Variants in NCOA1 observed in about 807,000 individuals in gnomAD.
NCOA1 encodes nuclear receptor coactivator 1.
A neutral mutation model predicts 150.9 loss-of-function variants in NCOA1; 35 were observed. The observed-to-expected ratio is 0.23, with a 90% CI of 0.18 to 0.31. The LOEUF (loss-of-function observed/expected upper bound fraction) is 0.31, where lower values mean the gene tolerates loss of function less well. Among genes scored for constraint, NCOA1 ranks in the 10% least tolerant of loss-of-function variants. The pLI, the probability that NCOA1 is intolerant of heterozygous loss-of-function variation, is 1.00. For synonymous variants in NCOA1, 590 were observed against 630.0 expected, an observed-to-expected ratio of 0.94 and a Z score of 0.95; for missense variants, 1,491 against 1,749.3, an observed-to-expected ratio of 0.85 and a Z score of 2.63.
At chr2:24,689,495 G>C (rs1429026413) in intron 8 of NCOA1, among the ~76,000 whole-genome samples, 5 of 151,600 alleles carry the variant, frequency 3.3e-5, no homozygotes, top group Admixed American at 3.3e-4. Context: ...TGCAAGCTCC[G>C]CCTCCCAGGC....
chr2:24,682,804 T>G, intron 7 of NCOA1, 147 bp from the exon 8 acceptor site: 1 of 462,032 alleles, frequency 2.2e-6, no homozygotes, highest in Non-Finnish European at 3.3e-6. Flanking sequence ...TGTTTATGTC[T>G]CTCTCTCCTG....
intron 17 of NCOA1, among the ~76,000 whole-genome samples, chr2:24,730,071 G>A (rs1328258716): frequency 6.6e-6 from 1 of 152,058 alleles, no homozygotes; most frequent in Non-Finnish European, 1.5e-5. Context: ...GTCTCGATCT[G>A]TTGACCTTGT....
intron 1 of NCOA1, among the ~76,000 whole-genome samples, chr2:24,513,860 A>G (rs1205463321): frequency 2.0e-5 from 3 of 152,142 alleles, no homozygotes; most frequent in Non-Finnish European, 4.4e-5. Flanking sequence ...CAACTGTAGG[A>G]GGACTTGGTA....
intron 19 of NCOA1, among the ~76,000 whole-genome samples, chr2:24,751,742 A>G (rs1448681123): frequency 6.6e-6 from 1 of 152,234 alleles, no homozygotes; most frequent in Admixed American, 6.5e-5. Flanking sequence ...GGAAAGCATT[A>G]TTCCGAGCTT....
chr2:24,565,211 A>C (rs1159455366), intron 2 of NCOA1, among the ~76,000 whole-genome samples: 1 of 152,246 alleles, frequency 6.6e-6, no homozygotes, highest in Non-Finnish European at 1.5e-5. Context: ...ATGTCAACAG[A>C]AAGCAAAAAC....
At chr2:24,732,140 A>G (rs1368784568) in intron 17 of NCOA1, among the ~76,000 whole-genome samples, 1 of 152,198 alleles carries the variant, frequency 6.6e-6, no homozygotes, top group African/African-American at 2.4e-5. Context: ...GATTCAGAAA[A>G]AAAAAGTTGT....
At chr2:24,732,431 A>G (rs1235972101) in intron 17 of NCOA1, among the ~76,000 whole-genome samples, 1 of 152,222 alleles carries the variant, frequency 6.6e-6, no homozygotes, top group Non-Finnish European at 1.5e-5. Context: ...AACGAGCCAC[A>G]TATCGGGGCC....
chr2:24,742,076 C>T lies in NCOA1; in HGVS notation c.3596C>T (p.Ala1199Val), dbSNP rs1411965049. The T allele has an allele frequency of 6.2e-7, 1 of 1,614,180 alleles. No individual in the cohort carries two copies. The highest frequency in any genetic ancestry group is 2.2e-5 in the East Asian group (1 of 44,882). Residue 1199 changes from alanine to valine, a missense_variant, in exon 19 of 23, where the codon GCC (alanine) becomes GTC (valine). Ala to Val is a moderately conservative substitution (Grantham distance 64). This residue lies in a region of NCOA1 where 485 missense variants were observed against 522.8 expected (regional missense o/e 0.93). Coordinates refer to ENST00000348332, the MANE Select transcript of NCOA1 (RefSeq NM_003743.5). ...GCAGCAAATCCTGAAGCATCCTTGG[C>T]CAACCGCAACAGCATGGTGAGCAGA... is the stretch of plus-strand genomic sequence containing the variant. ...QLAANPEASL[A>V]NRNSMVSRGM...
chr2:24,621,176 T>G lies in NCOA1; in HGVS notation c.-174-22790T>G, dbSNP rs1205486946. Among the ~76,000 whole-genome samples, 4 of 152,230 alleles carry G rather than the reference T, an allele frequency of 2.6e-5. No homozygotes were observed. The East Asian group carries it at 7.7e-4, about 29-fold the overall frequency. On this transcript the variant is annotated intron_variant, in intron 3 of 22. Transcript: ENST00000348332. ...GTGGGGAGGAGTTCCCTTATTCACC[T>G]GGCCCCTTTCCTGGAATATGGCATG...
chr2:24,682,203 C>T (rs1443402040), intron 7 of NCOA1, among the ~76,000 whole-genome samples: 2 of 151,950 alleles, frequency 1.3e-5, no homozygotes, highest in African/African-American at 4.8e-5. Flanking sequence ...TATATATATT[C>T]TGCAGCAAGT....
intron 19 of NCOA1, among the ~76,000 whole-genome samples, chr2:24,748,349 C>T (rs558664722): frequency 8.6e-5 from 13 of 151,336 alleles, no homozygotes; most frequent in Non-Finnish European, 1.6e-4. Context: ...TGGTGGCTCA[C>T]GCCTGTAATC....
chr2:24,724,682 A>G (rs548699393), intron 14 of NCOA1, among the ~76,000 whole-genome samples: 1 of 152,282 alleles, frequency 6.6e-6, no homozygotes, highest in East Asian at 1.9e-4. Context: ...ACTGAGTCAA[A>G]TAAACTATCT....
chr2:24,760,785 C>G (rs562298566), intron 21 of NCOA1, among the ~76,000 whole-genome samples: 2 of 152,180 alleles, frequency 1.3e-5, no homozygotes, highest in African/African-American at 4.8e-5. Flanking sequence ...CATTGAGCTT[C>G]TTGATTCATT....
At chr2:24,592,629 G>T in intron 3 of NCOA1, among the ~76,000 whole-genome samples, 2 of 119,870 alleles carry the variant, frequency 1.7e-5, no homozygotes, top group Non-Finnish European at 1.7e-5. Context: ...CAGTAACCAT[G>T]GTTTCTTGTA....
chr2:24,512,245 T>C (rs756010960), intron 1 of NCOA1, among the ~76,000 whole-genome samples: 14 of 152,224 alleles, frequency 9.2e-5, no homozygotes, highest in Non-Finnish European at 2.1e-4. Flanking sequence ...ACAATAGTTA[T>C]ATTAAGAAGT....
At chr2:24,707,939 T>C in intron 13 of NCOA1, 51 bp downstream of exon 13, 1 of 1,526,252 alleles carries the variant, frequency 6.6e-7, no homozygotes, top group Non-Finnish European at 8.7e-7. Flanking sequence ...ATTTTTTTTT[T>C]CATTTATTCT....
intron 8 of NCOA1, among the ~76,000 whole-genome samples, chr2:24,688,643 A>T (rs1198124280): frequency 6.6e-6 from 1 of 151,962 alleles, no homozygotes; most frequent in Non-Finnish European, 1.5e-5. Flanking sequence ...TGAATACTGG[A>T]TATTAGACTT....
At chr2:24,578,678 T>G (rs182893384) in intron 2 of NCOA1, among the ~76,000 whole-genome samples, 1 of 152,264 alleles carries the variant, frequency 6.6e-6, no homozygotes, top group African/African-American at 2.4e-5. Context: ...GCATTGCTTT[T>G]GGAATTGGAA....
At chr2:24,698,448 C>T (rs1177070350) in intron 11 of NCOA1, among the ~76,000 whole-genome samples, 7 of 152,014 alleles carry the variant, frequency 4.6e-5, no homozygotes, top group Admixed American at 4.6e-4. Flanking sequence ...TTAATTATTG[C>T]ATAGCTTCTG....
Sources: allele counts gnomAD v4.1 joint callset (sites outside exome capture counted in the v4.1 genomes callset), GRCh38; gene constraint gnomAD v4.1.1; regional missense constraint gnomAD v4.1.1; transcripts MANE v1.5; gene names NCBI Gene and HGNC (gene_info 2026-07-23, HGNC 2026-07-21).